ARFGEF3: variants seen among roughly 807,000 people sequenced by gnomAD.
ARFGEF3 encodes the protein brefeldin A-inhibited guanine nucleotide-exchange protein 3.
Under a neutral mutation model 221.7 loss-of-function variants are expected in ARFGEF3, and 96 were observed. The observed-to-expected ratio is 0.43, with a 90% CI of 0.37 to 0.51. The LOEUF (loss-of-function observed/expected upper bound fraction) is 0.51, where lower values mean the gene tolerates loss of function less well. ARFGEF3 is among the 20% of genes least tolerant of loss of function. ARFGEF3 has a pLI of 0.00. For missense variants in ARFGEF3, 2,410 were observed against 2,789.9 expected, an observed-to-expected ratio of 0.86 and a Z score of 3.07; for synonymous variants, 1,145 against 1,126.8, an observed-to-expected ratio of 1.02 and a Z score of -0.32.
chr6:138,187,378 C>G (rs1306219873), intron 2 of ARFGEF3, among the ~76,000 whole-genome samples: 1 of 152,184 alleles, frequency 6.6e-6, no homozygotes, highest in East Asian at 1.9e-4. Flanking sequence ...TTCACAGACC[C>G]CATTGTCCTT....
intron 5 of ARFGEF3, among the ~76,000 whole-genome samples, chr6:138,234,905 A>C (rs925977520): frequency 6.6e-6 from 1 of 152,356 alleles, no homozygotes; most frequent in Admixed American, 6.5e-5. Flanking sequence ...AAGAGAAGGT[A>C]ATTGCACAGT....
intron 29 of ARFGEF3, 28 bp from the exon 30 acceptor site, chr6:138,323,643 A>G: frequency 6.3e-7 from 1 of 1,596,832 alleles, no homozygotes. Flanking sequence ...AACAAAAAAA[A>G]AACTCCTTTA....
chr6:138,251,755 T>C (rs1778587665), intron 8 of ARFGEF3, among the ~76,000 whole-genome samples: 1 of 152,030 alleles, frequency 6.6e-6, no homozygotes, highest in Non-Finnish European at 1.5e-5. Context: ...ACTTGAACTT[T>C]AGGATCTACT....
At chr6:138,327,157 G>C (rs1277188270) in intron 31 of ARFGEF3, among the ~76,000 whole-genome samples, 1 of 152,152 alleles carries the variant, frequency 6.6e-6, no homozygotes, top group African/African-American at 2.4e-5. Flanking sequence ...TGCATGCTAG[G>C]CTTAATACCT....
chr6:138,307,582 C>A (rs1314628931), intron 23 of ARFGEF3, among the ~76,000 whole-genome samples, 185 bp downstream of exon 23: 2 of 152,222 alleles, frequency 1.3e-5, no homozygotes, highest in African/African-American at 2.4e-5. Context: ...GAGCCCTGAG[C>A]ATTGTCAGGC....
At chr6:138,318,192 T>G (rs1166946608) in intron 27 of ARFGEF3, among the ~76,000 whole-genome samples, 3 of 152,202 alleles carry the variant, frequency 2.0e-5, no homozygotes, top group Non-Finnish European at 4.4e-5. Context: ...GTTAAAAAGT[T>G]AAAAGCCTTC....
intron 12 of ARFGEF3, among the ~76,000 whole-genome samples, chr6:138,264,799 T>G (rs903780252): frequency 6.6e-6 from 1 of 152,196 alleles, no homozygotes; most frequent in Non-Finnish European, 1.5e-5. Context: ...GATGTGTAAC[T>G]TAACAAGTAT....
At chr6:138,232,365 C>T (rs537129343) in intron 5 of ARFGEF3, among the ~76,000 whole-genome samples, 23 of 152,214 alleles carry the variant, frequency 1.5e-4, no homozygotes, top group Middle Eastern at 3.4e-3. Flanking sequence ...ATTAGCCAGG[C>T]GTGGTGGTGC....
At position 138,311,418 on chromosome 6, in the gene ARFGEF3, T is replaced by A. The variant is rs1327016746; in HGVS notation, c.4108T>A (p.Cys1370Ser). 5.0e-6 allele frequency: 8 copies of A among 1,606,036 alleles called. No homozygotes were observed. In the South Asian group the frequency reaches 9.0e-5, roughly 18 times the overall value. The change falls in exon 25 of 34, where the codon TGT becomes AGT. Residue 1370 changes from cysteine to serine, a missense_variant. By Grantham distance (112) the Cys-to-Ser change is moderately radical. Coordinates refer to ENST00000251691, the MANE Select transcript of ARFGEF3 (RefSeq NM_020340.5). ...KFVKGLGEVD[C>S]KEIGDCAPAP... Reference sequence around the variant, plus strand: ...CGTGCCGCCCCTAGGGGAGGTGGACTGTAAAGAGATTGGAGACTGTGCCCC... The same window carrying A: ...CGTGCCGCCCCTAGGGGAGGTGGACAGTAAAGAGATTGGAGACTGTGCCCC...
Position 138,245,504 on chromosome 6 carries a change from GT to G in ARFGEF3, c.587-5del. ...ATGTCTCATGCCTGTAACCTCCTCT[GT>G]TTTGAAGGGTCAACAGTAGAGTCCC... is the stretch of plus-strand genomic sequence containing the variant. On this transcript the variant is annotated splice_polypyrimidine_tract_variant and splice_region_variant and intron_variant, in intron 7 of 33. Transcript: ENST00000251691. 6.2e-7 allele frequency: 1 copy of G among 1,606,308 alleles called. No homozygotes were observed. Among genetic ancestry groups the G allele is most frequent in the Non-Finnish European group, 8.5e-7 (1 of 1,175,500 alleles).
chr6:138,301,243 G>T (rs1257400095), intron 22 of ARFGEF3, among the ~76,000 whole-genome samples: 1 of 152,176 alleles, frequency 6.6e-6, no homozygotes, highest in Non-Finnish European at 1.5e-5. Flanking sequence ...TGAGGGGTCT[G>T]GAAATTGACC....
intron 12 of ARFGEF3, among the ~76,000 whole-genome samples, chr6:138,276,770 A>G (rs1234364886): frequency 6.6e-6 from 1 of 152,178 alleles, no homozygotes; most frequent in African/African-American, 2.4e-5. Flanking sequence ...GGTTCCAGCA[A>G]TTCTCATTCC....
intron 9 of ARFGEF3, 64 bp downstream of exon 9, chr6:138,254,048 T>C: frequency 1.9e-6 from 2 of 1,070,878 alleles, no homozygotes; most frequent in Non-Finnish European, 2.7e-6. Context: ...TGACTGTGTC[T>C]CTGGGTCCCT....
chr6:138,242,053 C>A (rs1778402445), intron 6 of ARFGEF3, among the ~76,000 whole-genome samples: 1 of 152,226 alleles, frequency 6.6e-6, no homozygotes, highest in Non-Finnish European at 1.5e-5. Flanking sequence ...TAGATACTGA[C>A]ATAACATTTC....
chr6:138,198,902 G>A lies in ARFGEF3; in HGVS notation c.138-8140G>A, dbSNP rs143242042. Among the ~76,000 whole-genome samples the A allele has an allele frequency of 8.5e-5, 13 of 152,316 alleles. 1 individual carries two copies. The highest frequency in any genetic ancestry group is 3.1e-4 in the African/African-American group (13 of 41,558). ...CATAGTTGGTGGGAGCTGACTCTCC[G>A]TGTAGACGTTATGGCGTAGGCTTGA... On this transcript the variant is annotated intron_variant, in intron 2 of 33. Transcript: ENST00000251691.
intron 12 of ARFGEF3, among the ~76,000 whole-genome samples, chr6:138,277,970 A>G (rs1779126891): frequency 1.3e-5 from 2 of 152,198 alleles, no homozygotes; most frequent in African/African-American, 2.4e-5. Flanking sequence ...TCATTCTAGG[A>G]GTGACAAAAA....
rs1164208216 is a variant in ARFGEF3 at position 138,337,693 on chromosome 6, AT to A, written c.*1208del. On this transcript the variant is annotated 3_prime_UTR_variant, in exon 34 of 34. Coordinates refer to ENST00000251691, the MANE Select transcript of ARFGEF3 (RefSeq NM_020340.5). ...ACCAAGTAAAGTTACCCTATGTTTG[AT>A]GTCTTTGCATTCAGACCAATATTTC... The A allele has an allele frequency of 2.6e-5, 4 of 152,172 alleles. No individual in the cohort carries two copies. The highest frequency in any genetic ancestry group is 9.7e-5 in the African/African-American group (4 of 41,448). The allele number at this position is 152,172 out of a possible 1,614,324, so 9.4% of individuals were successfully genotyped here. A position where few individuals can be genotyped will look rare whatever the true frequency, so the allele number is the denominator to read the frequency against.
intron 2 of ARFGEF3, among the ~76,000 whole-genome samples, chr6:138,197,380 T>G (rs1335556993): frequency 1.3e-5 from 2 of 152,218 alleles, no homozygotes; most frequent in African/African-American, 4.8e-5. Flanking sequence ...ACTTTTTTCT[T>G]TATAAGTAGA....
At position 138,162,615 on chromosome 6, in the gene ARFGEF3, T is replaced by C. The variant is rs780744881; in HGVS notation, c.85+444T>C. Among the ~76,000 whole-genome samples, 1 of 152,202 alleles carries C rather than the reference T, an allele frequency of 6.6e-6. No homozygotes were observed. The highest frequency in any genetic ancestry group is 1.5e-5 in the Non-Finnish European group (1 of 68,030). ...AAAGGCTTGTTTAATTTGATTTTCC[T>C]GATAGAGGTCAGCTTGCTTAGTGTT... On this transcript the variant is annotated intron_variant, in intron 1 of 33. Transcript: ENST00000251691. The surrounding 1 kb of genome is among the most constrained non-coding windows in gnomAD (Gnocchi z 4.7).
Sources: allele counts gnomAD v4.1 joint callset (sites outside exome capture counted in the v4.1 genomes callset), GRCh38; gene constraint gnomAD v4.1.1; non-coding constraint Gnocchi (gnomAD v3.1); transcripts MANE v1.5; gene names NCBI Gene and HGNC (gene_info 2026-07-23, HGNC 2026-07-21).